The following VAC14 variants were observed in gnomAD, a reference collection of about 807,000 sequenced individuals.
VAC14 encodes protein VAC14 homolog.
In VAC14, 47 loss-of-function variants were observed where a neutral mutation model predicts 85.3. That is an observed-to-expected ratio of 0.55 (90% CI 0.44 to 0.70). The LOEUF (loss-of-function observed/expected upper bound fraction) is 0.70, where lower values mean the gene tolerates loss of function less well. Ranked by LOEUF, VAC14 falls within the 30% of genes least tolerant of loss-of-function variation. The probability of loss-of-function intolerance (pLI) is 0.00; values close to 1 mark genes in which losing one functional copy is unlikely to be tolerated. For synonymous variants in VAC14, 447 were observed against 430.5 expected, an observed-to-expected ratio of 1.04 and a Z score of -0.47; for missense variants, 861 against 1,004.3, an observed-to-expected ratio of 0.86 and a Z score of 1.93.
chr16:70,771,360 T>C (rs1484079485), intron 10 of VAC14: 1 of 152,170 alleles, frequency 6.6e-6, no homozygotes, highest in East Asian at 1.9e-4. Context: ...ACATGATTAA[T>C]GACTGCCCAT....
chr16:70,766,204 A>C (rs1480370410), intron 10 of VAC14, among the ~76,000 whole-genome samples: 2 of 151,654 alleles, frequency 1.3e-5, no homozygotes, highest in African/African-American at 4.8e-5. Context: ...GACACGGGGG[A>C]AGCCTGGTGC....
intron 9 of VAC14, 174 bp from the exon 10 acceptor site, chr16:70,772,346 C>T (rs1307565212): frequency 5.1e-6 from 3 of 584,068 alleles, no homozygotes; most frequent in African/African-American, 1.9e-5. Flanking sequence ...CAGTCATTCT[C>T]GATAGTCCCC....
chr16:70,772,826 C>G (rs4985365), intron 9 of VAC14: 36 of 152,292 alleles, frequency 2.4e-4, no homozygotes, highest in Admixed American at 5.2e-4. Context: ...AGAAGCAACC[C>G]AAATATCTAT....
intron 1 of VAC14, among the ~76,000 whole-genome samples, chr16:70,787,980 G>A (rs1225116873): frequency 6.6e-6 from 1 of 152,228 alleles, no homozygotes; most frequent in African/African-American, 2.4e-5. Context: ...GTGGAAAAAG[G>A]GCAGTCTAGA....
intron 14 of VAC14, 119 bp from the exon 15 acceptor site, chr16:70,698,930 C>A: frequency 1.3e-6 from 1 of 765,838 alleles, no homozygotes; most frequent in South Asian, 1.7e-5. Context: ...TTCCTGAGGC[C>A]AGTGTGGAGC....
At chr16:70,748,166 T>C (rs2031072712) in intron 12 of VAC14, among the ~76,000 whole-genome samples, 1 of 152,126 alleles carries the variant, frequency 6.6e-6, no homozygotes, top group Non-Finnish European at 1.5e-5. Context: ...CTACACAGGG[T>C]GCTGTGGTCA....
At chr16:70,745,484 T>A (rs567208077) in intron 12 of VAC14, among the ~76,000 whole-genome samples, 3 of 122,968 alleles carry the variant, frequency 2.4e-5, no homozygotes, top group African/African-American at 8.1e-5. Context: ...GGGGCTTCAG[T>A]GTGTGTGTGT....
Position 70,800,971 on chromosome 16 carries a change from C to G in VAC14, c.-71G>C. 1.7e-6 allele frequency: 2 copies of G among 1,171,830 alleles called. No homozygotes were observed. Among genetic ancestry groups the G allele is most frequent in the African/African-American group, 1.6e-5 (1 of 61,810 alleles). 72.6% of individuals were successfully genotyped at this position (1,171,830 alleles called of 1,614,324 possible). A position where few individuals can be genotyped will look rare whatever the true frequency, so the allele number is the denominator to read the frequency against. On this transcript the variant is annotated 5_prime_UTR_variant, in exon 1 of 19. Transcript: ENST00000261776. Reference sequence around the variant, plus strand: ...GGGGCCGCGCCGGGGCCAGGGGAGTCTGCGGCTCCGCTCTGCCCCCGGCGC... The same window carrying G: ...GGGGCCGCGCCGGGGCCAGGGGAGTGTGCGGCTCCGCTCTGCCCCCGGCGC...
chr16:70,759,185 G>A (rs757249296), intron 12 of VAC14, among the ~76,000 whole-genome samples: 3 of 152,228 alleles, frequency 2.0e-5, no homozygotes, highest in Non-Finnish European at 4.4e-5. Flanking sequence ...AGAGGGAGGA[G>A]CATGTGGGTT....
intron 13 of VAC14, among the ~76,000 whole-genome samples, chr16:70,736,774 A>T (rs957105773): frequency 6.6e-6 from 1 of 152,210 alleles, no homozygotes; most frequent in African/African-American, 2.4e-5. Context: ...CAAGGCTTAA[A>T]GACTTTCTGC....
intron 16 of VAC14, among the ~76,000 whole-genome samples, chr16:70,696,227 A>G (rs919983509): frequency 6.6e-6 from 1 of 152,188 alleles, no homozygotes; most frequent in Non-Finnish European, 1.5e-5. Context: ...TTTAAAAAAA[A>G]TCTGGCCAGG....
Position 70,731,476 on chromosome 16 carries a change from G to T in VAC14, c.1661+19C>A. ...GGGGCCGTGGGAGGAAGAGGAGAAA[G>T]CGCGCCGCCAAGGCTGACCTGATGA... On this transcript the variant is annotated intron_variant, in intron 14 of 18. Coordinates refer to ENST00000261776, the MANE Select transcript of VAC14 (RefSeq NM_018052.5). The T allele has an allele frequency of 6.2e-7, 1 of 1,607,964 alleles. No homozygotes were observed. Among genetic ancestry groups the T allele is most frequent in the Non-Finnish European group, 8.5e-7 (1 of 1,177,206 alleles).
At chr16:70,743,034 G>A (rs987419391) in intron 13 of VAC14, among the ~76,000 whole-genome samples, 5 of 151,798 alleles carry the variant, frequency 3.3e-5, no homozygotes, top group Admixed American at 1.3e-4. Flanking sequence ...CTGTAAAAAC[G>A]CACCAATCAG....
intron 12 of VAC14, among the ~76,000 whole-genome samples, chr16:70,756,492 C>A (rs2031870739): frequency 6.6e-6 from 1 of 152,218 alleles, no homozygotes; most frequent in African/African-American, 2.4e-5. Context: ...CAGTCTAGGG[C>A]ATGGCAGGGG....
chr16:70,763,027 T>C lies in VAC14; in HGVS notation c.1161-2A>G, dbSNP rs2032528183. On this transcript the variant is annotated splice_acceptor_variant, in intron 10 of 18. Transcript: ENST00000261776. LOFTEE classifies it high-confidence loss of function. ...AGGGTCACTGGGGCTCTTTCAGTGC[T>C]GTGGGTAAGATCGGGAGGGAGAGCA... is the stretch of plus-strand genomic sequence containing the variant. 2 of 1,614,068 alleles carry C rather than the reference T, an allele frequency of 1.2e-6. No individual in the cohort carries two copies. The highest frequency in any genetic ancestry group is 2.7e-5 in the African/African-American group (2 of 74,932).
At chr16:70,738,130 G>A (rs1446857939) in intron 13 of VAC14, among the ~76,000 whole-genome samples, 1 of 152,264 alleles carries the variant, frequency 6.6e-6, no homozygotes, top group African/African-American at 2.4e-5. Context: ...GTGGGTGATG[G>A]AGAGGCTGGT....
At chr16:70,789,362 T>A (rs2034218605) in intron 1 of VAC14, among the ~76,000 whole-genome samples, 1 of 152,220 alleles carries the variant, frequency 6.6e-6, no homozygotes, top group Non-Finnish European at 1.5e-5. Flanking sequence ...TCCCTCCTGC[T>A]CTGCAGCCTG....
chr16:70,687,712 G>T lies in VAC14; in HGVS notation c.*216C>A. The T allele has an allele frequency of 2.3e-6, 1 of 440,354 alleles. No homozygotes were observed. Among genetic ancestry groups the T allele is most frequent in the Non-Finnish European group, 3.8e-6 (1 of 265,468 alleles). 27.3% of individuals were successfully genotyped at this position (440,354 alleles called of 1,614,324 possible). ...CCACTGGGTGGGCAGCCAGCTCTGTGAGAATGCCAGGGTGCAGCTGACAGC... is the reference window on the plus strand; with the variant it reads ...CCACTGGGTGGGCAGCCAGCTCTGTTAGAATGCCAGGGTGCAGCTGACAGC... On this transcript the variant is annotated 3_prime_UTR_variant, in exon 19 of 19. Transcript: ENST00000261776.
chr16:70,745,518 T>TGTGTGTGTGTGC lies in VAC14; in HGVS notation c.1372-940_1372-939insGCACACACACAC, dbSNP rs374204849. Among the ~76,000 whole-genome samples the TGTGTGTGTGTGC allele has an allele frequency of 1.1e-4, 15 of 141,020 alleles. 1 individual carries two copies. The highest frequency in any genetic ancestry group is 4.0e-4 in the East Asian group (2 of 5,048). The allele number at this position is 141,020 out of a possible 152,430, so 92.5% of individuals were successfully genotyped here. A position where few individuals can be genotyped will look rare whatever the true frequency, so the allele number is the denominator to read the frequency against. ...GTGTGTGTGTGTGTGTGTGTGTGTGTGCGCGTGTGCGCGCGTGTGCCTGTG... is the reference window on the plus strand; with the variant it reads ...GTGTGTGTGTGTGTGTGTGTGTGTGTGTGTGTGTGTGCGCGCGTGTGCGCGCGTGTGCCTGTG... On this transcript the variant is annotated intron_variant, in intron 12 of 18. Coordinates refer to ENST00000261776, the MANE Select transcript of VAC14 (RefSeq NM_018052.5).
Sources: gnomAD v4.1 joint callset for allele counts (sites outside exome capture counted in the v4.1 genomes callset) on GRCh38, gnomAD v4.1.1 for gene constraint, MANE v1.5 for transcripts, NCBI Gene and HGNC (gene_info 2026-07-23, HGNC 2026-07-21) for gene names.